KCND3: variants seen among roughly 807,000 people sequenced by gnomAD.
KCND3 encodes potassium voltage-gated channel subfamily D member 3.
KCND3 carries 9 observed loss-of-function variants against 51.1 expected under a neutral mutation model. That is an observed-to-expected ratio of 0.18 (90% CI 0.11 to 0.31). The LOEUF (loss-of-function observed/expected upper bound fraction) is 0.31. Ranked by LOEUF, KCND3 falls within the 10% of genes least tolerant of loss-of-function variation. KCND3 has a pLI of 1.00. For synonymous variants in KCND3, 349 were observed against 368.0 expected (o/e 0.95, Z 0.59); for missense variants, 526 against 903.8 (o/e 0.58, Z 5.36).
At chr1:111,902,300 G>A (rs1453911969) in intron 2 of KCND3, among the ~76,000 whole-genome samples, 2 of 152,214 alleles carry the variant, frequency 1.3e-5, no homozygotes, top group African/African-American at 4.8e-5. Flanking sequence ...AGGTGAGGAG[G>A]ACGTGACTTA....
At chr1:111,878,849 GGT>G (rs1162442525) in intron 2 of KCND3, among the ~76,000 whole-genome samples, 1 of 152,142 alleles carries the variant, frequency 6.6e-6, no homozygotes, top group East Asian at 1.9e-4. Context: ...CATGACTCTG[GGT>G]GTGTCTGTGA....
At position 111,982,763 on chromosome 1, in the gene KCND3, G is replaced by A; in HGVS notation, c.-37C>T. 6.3e-7 allele frequency: 1 copy of A among 1,578,690 alleles called. No homozygotes were observed. The highest frequency in any genetic ancestry group is 8.6e-7 in the Non-Finnish European group (1 of 1,169,548). On this transcript the variant is annotated 5_prime_UTR_variant, in exon 2 of 8. Coordinates refer to ENST00000302127, the MANE Select transcript of KCND3 (RefSeq NM_001378969.1). The surrounding 1 kb of genome is among the most constrained non-coding windows in gnomAD (Gnocchi z 8.5). ...CTCTTGGGCCGGCAGCCGCGCGGAC[G>A]CTAGGCACACCAGCTTGGAGTTAGT...
chr1:111,955,090 C>T (rs1164039774), intron 2 of KCND3, among the ~76,000 whole-genome samples: 2 of 152,204 alleles, frequency 1.3e-5, no homozygotes, highest in Admixed American at 1.3e-4. Context: ...TCTCTACTTC[C>T]TTCATCTCCT....
chr1:111,793,410 C>G (rs1557940221), intron 2 of KCND3, among the ~76,000 whole-genome samples: 2 of 151,362 alleles, frequency 1.3e-5, no homozygotes, highest in East Asian at 1.9e-4. Context: ...ATCTCTTGAC[C>G]TCGTGATCTG....
At chr1:111,865,896 G>C (rs1668539008) in intron 2 of KCND3, among the ~76,000 whole-genome samples, 1 of 152,062 alleles carries the variant, frequency 6.6e-6, no homozygotes, top group Non-Finnish European at 1.5e-5. Context: ...TGTAGAGATG[G>C]GGTTTCACCA....
chr1:111,800,438 A>G (rs1230861943), intron 2 of KCND3, among the ~76,000 whole-genome samples: 2 of 118,844 alleles, frequency 1.7e-5, no homozygotes, highest in Non-Finnish European at 3.4e-5. Flanking sequence ...TAGGAAAACC[A>G]GAGACCTTTG....
chr1:111,781,668 C>T (rs1664394164), intron 3 of KCND3, among the ~76,000 whole-genome samples: 1 of 152,168 alleles, frequency 6.6e-6, no homozygotes, highest in African/African-American at 2.4e-5. Flanking sequence ...TACAGGCACC[C>T]ACCAACACAC....
chr1:111,790,431 A>T (rs368606879), intron 2 of KCND3, among the ~76,000 whole-genome samples: 151 of 152,298 alleles, frequency 9.9e-4, no homozygotes, highest in Middle Eastern at 6.8e-3. Context: ...TCCCATGATG[A>T]TGTAAACTGT....
chr1:111,875,361 C>G (rs569982886), intron 2 of KCND3, among the ~76,000 whole-genome samples: 15 of 152,326 alleles, frequency 9.8e-5, no homozygotes, highest in South Asian at 6.2e-4. Context: ...CAGCCTAGAT[C>G]TATTTTCAGG....
chr1:111,955,711 A>C (rs1030882500), intron 2 of KCND3, among the ~76,000 whole-genome samples: 1 of 152,244 alleles, frequency 6.6e-6, no homozygotes, highest in Non-Finnish European at 1.5e-5. Context: ...AGAATAAATT[A>C]TGAATGACTC....
rs769051410 is a variant in KCND3 at position 111,780,319 on chromosome 1, T to TA, written c.1372-6dup. ...GTGCTCCTCTTCTGGGGTGCCCTAG[T>TA]AAAAAAAGAAGAGAGATTGAGTAAA... On this transcript the variant is annotated splice_polypyrimidine_tract_variant and splice_region_variant and intron_variant, in intron 4 of 7. Coordinates refer to ENST00000302127, the MANE Select transcript of KCND3 (RefSeq NM_001378969.1). The surrounding 1 kb of genome is among the most constrained non-coding windows in gnomAD (Gnocchi z 4.2). 78 of 1,559,524 alleles carry TA rather than the reference T, an allele frequency of 5.0e-5. No individual in the cohort carries two copies. The Middle Eastern group carries it at 2.5e-3, about 50-fold the overall frequency.
chr1:111,846,641 G>T (rs976937654), intron 2 of KCND3, among the ~76,000 whole-genome samples: 1 of 152,192 alleles, frequency 6.6e-6, no homozygotes, highest in Non-Finnish European at 1.5e-5. Flanking sequence ...GATTATACGG[G>T]ACAGTCTACA....
chr1:111,912,224 G>A (rs1336280580), intron 2 of KCND3, among the ~76,000 whole-genome samples: 3 of 152,250 alleles, frequency 2.0e-5, no homozygotes, highest in African/African-American at 4.8e-5. Flanking sequence ...TTTGGCCAAT[G>A]CCAGATGGCG....
intron 2 of KCND3, among the ~76,000 whole-genome samples, chr1:111,867,531 C>T (rs1306118356): frequency 6.6e-6 from 1 of 152,144 alleles, no homozygotes; most frequent in Non-Finnish European, 1.5e-5. Context: ...CATCCCTTTC[C>T]CTATGGGAAC....
At chr1:111,876,757 A>T (rs1473888725) in intron 2 of KCND3, among the ~76,000 whole-genome samples, 1 of 152,200 alleles carries the variant, frequency 6.6e-6, no homozygotes, top group Non-Finnish European at 1.5e-5. Flanking sequence ...AGGCAAGAAG[A>T]GGGGGGAAGA....
Position 111,882,322 on chromosome 1 carries a change from G to T in KCND3, c.1107-95216C>A, listed in dbSNP as rs550047411. Among the ~76,000 whole-genome samples the T allele has an allele frequency of 6.6e-5, 10 of 152,334 alleles. No individual in the cohort carries two copies. The South Asian group carries it at 2.1e-3, about 32-fold the overall frequency. ...GTACCGACTACAAATATGCTCGAGT[G>T]GGGCAGGGCCTCTGGCGTCCGGTTT... On this transcript the variant is annotated intron_variant, in intron 2 of 7. Coordinates refer to ENST00000302127, the MANE Select transcript of KCND3 (RefSeq NM_001378969.1).
At chr1:111,795,773 C>T (rs909455479) in intron 2 of KCND3, among the ~76,000 whole-genome samples, 12 of 152,208 alleles carry the variant, frequency 7.9e-5, no homozygotes, top group Non-Finnish European at 1.5e-5. Context: ...CTGTCTTCCA[C>T]AATGGTTGAA....
chr1:111,974,357 C>A (rs1674512393), intron 2 of KCND3, among the ~76,000 whole-genome samples: 1 of 144,454 alleles, frequency 6.9e-6, no homozygotes, highest in Non-Finnish European at 1.5e-5. Context: ...GGGGTCTGGT[C>A]CCTGTTTCCC....
At chr1:111,880,724 A>G (rs533075162) in intron 2 of KCND3, among the ~76,000 whole-genome samples, 2 of 152,370 alleles carry the variant, frequency 1.3e-5, no homozygotes, top group South Asian at 2.1e-4. Context: ...ACATTTAAAT[A>G]TCATAGTTAC....
Sources: gnomAD v4.1 joint callset for allele counts (sites outside exome capture counted in the v4.1 genomes callset) on GRCh38, gnomAD v4.1.1 for gene constraint, Gnocchi (gnomAD v3.1) non-coding constraint, MANE v1.5 for transcripts, NCBI Gene and HGNC (gene_info 2026-07-23, HGNC 2026-07-21) for gene names.